Variants in SHROOM3 observed in about 807,000 individuals in gnomAD.
SHROOM3 encodes shroom family member 3, also known as protein Shroom3.
SHROOM3 carries 47 observed loss-of-function variants against 138.6 expected under a neutral mutation model. That is an observed-to-expected ratio of 0.34 (90% CI 0.27 to 0.43). SHROOM3 has a LOEUF of 0.43. Ranked by LOEUF, SHROOM3 falls within the 20% of genes least tolerant of loss-of-function variation. The probability of loss-of-function intolerance (pLI) is 1.00; values close to 1 mark genes in which losing one functional copy is unlikely to be tolerated. For synonymous variants in SHROOM3, 1,062 were observed against 1,063.3 expected, an observed-to-expected ratio of 1.00 and a Z score of 0.02; for missense variants, 2,491 against 2,596.5, an observed-to-expected ratio of 0.96 and a Z score of 0.88.
chr4:76,489,964 G>A (rs1393918896), intron 1 of SHROOM3, among the ~76,000 whole-genome samples: 1 of 152,160 alleles, frequency 6.6e-6, no homozygotes, highest in East Asian at 1.9e-4. Flanking sequence ...CAGTGTGGGG[G>A]CGGGCTGAGC....
intron 1 of SHROOM3, among the ~76,000 whole-genome samples, chr4:76,524,503 A>G (rs1187258540): frequency 6.6e-6 from 1 of 152,176 alleles, no homozygotes; most frequent in East Asian, 1.9e-4. Flanking sequence ...TGGGAAGCAA[A>G]ATGATGAGTC....
At chr4:76,514,384 C>T (rs975451516) in intron 1 of SHROOM3, among the ~76,000 whole-genome samples, 4 of 152,096 alleles carry the variant, frequency 2.6e-5, no homozygotes, top group African/African-American at 9.7e-5. Flanking sequence ...TGAAAGAAGG[C>T]AGACACCAAA....
chr4:76,613,480 C>G (rs1231560952), intron 2 of SHROOM3, among the ~76,000 whole-genome samples: 1 of 152,120 alleles, frequency 6.6e-6, no homozygotes, highest in Non-Finnish European at 1.5e-5. Context: ...AGTCAAGTAC[C>G]AACAGTACAT....
intron 2 of SHROOM3, among the ~76,000 whole-genome samples, chr4:76,593,505 T>C (rs907054530): frequency 6.6e-6 from 1 of 152,238 alleles, no homozygotes; most frequent in Non-Finnish European, 1.5e-5. Context: ...ATTTATTTAG[T>C]TGGTCAAGTT....
At position 76,756,537 on chromosome 4, in the gene SHROOM3, A is replaced by G. The variant is rs1458941481; in HGVS notation, c.4798A>G (p.Arg1600Gly). The part of the protein sequence containing the change: ...HVVGSQTLAS[R>G]LQTSIKGSEA... ...GGTAGGTAGTCAGACACTGGCTTCC[A>G]GACTCCAAACTTCTATCAAGGGTTC... is the stretch of plus-strand genomic sequence containing the variant. Residue 1600 changes from arginine (R) to glycine (G), a missense_variant, in exon 8 of 11, where the codon AGA becomes GGA. Arg to Gly is a moderately radical substitution (Grantham distance 125, BLOSUM62 -2). This residue lies in a region of SHROOM3 where 470 missense variants were observed against 595.0 expected (regional missense o/e 0.79). Transcript: ENST00000296043. The G allele has an allele frequency of 6.2e-7, 1 of 1,613,624 alleles. No individual in the cohort carries two copies. Among genetic ancestry groups the G allele is most frequent in the Admixed American group, 1.7e-5 (1 of 59,932 alleles).
At chr4:76,742,188 C>T (rs1359080064) in intron 5 of SHROOM3, 2 of 542,980 alleles carry the variant, frequency 3.7e-6, no homozygotes, top group Non-Finnish European at 6.6e-6. Context: ...TAGGAAGTCA[C>T]CACCTCTCAA....
At chr4:76,536,392 C>A (rs1732953844) in intron 1 of SHROOM3, among the ~76,000 whole-genome samples, 1 of 152,140 alleles carries the variant, frequency 6.6e-6, no homozygotes, top group African/African-American at 2.4e-5. Flanking sequence ...ACTTATAAAA[C>A]TAAGCTGTAT....
Position 76,664,690 on chromosome 4 carries a change from A to G in SHROOM3, c.324-45466A>G, listed in dbSNP as rs1415509630. ...AAATTTGTCATCTTAACCAGTTTTA[A>G]GTGTATAGGTCAATAATGTTAAGTG... On this transcript the variant is annotated intron_variant, in intron 2 of 10. Coordinates refer to ENST00000296043, the MANE Select transcript of SHROOM3 (RefSeq NM_020859.4). The surrounding 1 kb of genome is among the most constrained non-coding windows in gnomAD (Gnocchi z 4.2). Among the ~76,000 whole-genome samples, 1 of 152,232 alleles carries G rather than the reference A, an allele frequency of 6.6e-6. No individual in the cohort carries two copies. The highest frequency in any genetic ancestry group is 1.5e-5 in the Non-Finnish European group (1 of 68,038).
chr4:76,635,480 G>A (rs1481333779), intron 2 of SHROOM3, among the ~76,000 whole-genome samples: 1 of 152,126 alleles, frequency 6.6e-6, no homozygotes, highest in Non-Finnish European at 1.5e-5. Flanking sequence ...CTAATGGTTG[G>A]GGTATTTATT....
chr4:76,462,505 C>T (rs1282126655), intron 1 of SHROOM3, among the ~76,000 whole-genome samples: 2 of 152,052 alleles, frequency 1.3e-5, no homozygotes, highest in Admixed American at 6.6e-5. Context: ...GATTTGTGTC[C>T]CCACCCAAAT....
rs1218818857 is a variant in SHROOM3 at position 76,730,764 on chromosome 4, C to A, written c.456-40C>A. 4 of 1,613,236 alleles carry A rather than the reference C, an allele frequency of 2.5e-6. No individual in the cohort carries two copies. The Admixed American group carries it at 6.7e-5, about 27-fold the overall frequency. ...CATCAGTGAGGAGACTCAGCTGAGA[C>A]TTTGGCTAATGTTGGGGGGTCCCTC... On this transcript the variant is annotated intron_variant, in intron 3 of 10. Transcript: ENST00000296043.
chr4:76,716,267 A>G, intron 3 of SHROOM3: 1 of 515,266 alleles, frequency 1.9e-6, no homozygotes, highest in Non-Finnish European at 3.9e-6. Context: ...AACTGGAGGC[A>G]CATGTAGTAC....
Position 76,756,434 on chromosome 4 carries a change from A to G in SHROOM3, c.4710-15A>G. On this transcript the variant is annotated splice_polypyrimidine_tract_variant and intron_variant, in intron 7 of 10. Coordinates refer to ENST00000296043, the MANE Select transcript of SHROOM3 (RefSeq NM_020859.4). Reference sequence around the variant, plus strand: ...CTCTCTCTCTTTTTTTTTTTTTTTTAAATATCCCTGGCAGCTTCAACAAAC... The same window carrying G: ...CTCTCTCTCTTTTTTTTTTTTTTTTGAATATCCCTGGCAGCTTCAACAAAC... The G allele has an allele frequency of 1.3e-6, 2 of 1,492,238 alleles. No homozygotes were observed. Among genetic ancestry groups the G allele is most frequent in the Non-Finnish European group, 1.8e-6 (2 of 1,115,528 alleles). 92.4% of individuals were successfully genotyped at this position (1,492,238 alleles called of 1,614,324 possible). A position where few individuals can be genotyped will look rare whatever the true frequency, so the allele number is the denominator to read the frequency against.
intron 1 of SHROOM3, among the ~76,000 whole-genome samples, chr4:76,462,084 T>C (rs1249115253): frequency 1.3e-5 from 2 of 152,238 alleles, no homozygotes; most frequent in Admixed American, 6.5e-5. Context: ...AGTGTGGAAA[T>C]TAGATCATTT....
rs1031633423 is a variant in SHROOM3, at chr4:76,586,542, T to TGGGAAGG, written c.323+30780_323+30786dup. The TGGGAAGG allele has an allele frequency of 3.3e-6, 3 of 922,080 alleles. No individual in the cohort carries two copies. The African/African-American group carries it at 5.4e-5, about 16-fold the overall frequency. The allele number at this position is 922,080 out of a possible 1,614,324, so 57.1% of individuals were successfully genotyped here. A position where few individuals can be genotyped will look rare whatever the true frequency, so the allele number is the denominator to read the frequency against. On this transcript the variant is annotated intron_variant, in intron 2 of 10. Transcript: ENST00000296043. ...TCGATGTTGGCAGAAATGCCAGCAT[T>TGGGAAGG]GGGAAGGTAAACTAAAGAGAGGTAG...
At chr4:76,769,819 G>GT (rs760900825) in intron 9 of SHROOM3, among the ~76,000 whole-genome samples, 2 of 152,142 alleles carry the variant, frequency 1.3e-5, no homozygotes, top group Non-Finnish European at 2.9e-5. Context: ...TCAGTGTAGA[G>GT]TTTCTCCATA....
At chr4:76,596,157 C>T (rs911527235) in intron 2 of SHROOM3, among the ~76,000 whole-genome samples, 7 of 152,130 alleles carry the variant, frequency 4.6e-5, no homozygotes, top group African/African-American at 1.7e-4. Context: ...GATAATGGAG[C>T]ATACACAGAA....
chr4:76,435,956 T>G lies in SHROOM3; in HGVS notation c.-97T>G. 2.3e-6 allele frequency: 3 copies of G among 1,316,402 alleles called. No homozygotes were observed. Among genetic ancestry groups the G allele is most frequent in the Non-Finnish European group, 3.2e-6 (3 of 944,362 alleles). The allele number at this position is 1,316,402 out of a possible 1,614,324, so 81.5% of individuals were successfully genotyped here. On this transcript the variant is annotated 5_prime_UTR_variant, in exon 1 of 11. Transcript: ENST00000296043. ...CCAAACCTCTCTTTTGGCCATTGTG[T>G]GTCCTGAAGGATGGGACAACTTGTG... is the stretch of plus-strand genomic sequence containing the variant.
At chr4:76,699,491 C>T (rs189526683) in intron 2 of SHROOM3, among the ~76,000 whole-genome samples, 2 of 152,294 alleles carry the variant, frequency 1.3e-5, no homozygotes, top group East Asian at 1.9e-4. Flanking sequence ...ATGACTTGCT[C>T]ATAGCAATTA....
Sources: gnomAD v4.1 joint callset for allele counts (sites outside exome capture counted in the v4.1 genomes callset) on GRCh38, gnomAD v4.1.1 for gene constraint, gnomAD v4.1.1 regional missense constraint, Gnocchi (gnomAD v3.1) non-coding constraint, MANE v1.5 for transcripts, NCBI Gene and HGNC (gene_info 2026-07-23, HGNC 2026-07-21) for gene names.